The following ITCH variants were observed in gnomAD, a reference collection of about 807,000 sequenced individuals.
The protein encoded by ITCH is E3 ubiquitin-protein ligase Itchy homolog.
A neutral mutation model predicts 126.8 loss-of-function variants in ITCH; 28 were observed. The observed-to-expected ratio is 0.22, with a 90% CI of 0.16 to 0.30. The LOEUF (loss-of-function observed/expected upper bound fraction) is 0.30. ITCH is among the 10% of genes least tolerant of loss of function. The probability of loss-of-function intolerance (pLI) is 1.00; values close to 1 mark genes in which losing one functional copy is unlikely to be tolerated. For synonymous variants in ITCH, 342 were observed against 340.0 expected (o/e 1.01, Z -0.06); for missense variants, 631 against 1,032.4 (o/e 0.61, Z 5.33).
chr20:34,406,188 T>C (rs1288827925), intron 3 of ITCH, among the ~76,000 whole-genome samples: 1 of 152,050 alleles, frequency 6.6e-6, no homozygotes, highest in African/African-American at 2.4e-5. Context: ...CATGCCTGGC[T>C]AATTTTTAAA....
chr20:34,492,626 C>T (rs755562411), intron 23 of ITCH, 29 bp downstream of exon 23: 1 of 1,417,102 alleles, frequency 7.1e-7, no homozygotes, highest in East Asian at 2.3e-5. Context: ...TTTTCCTATA[C>T]AGAAAATTGT....
At chr20:34,393,745 T>C in intron 2 of ITCH, 46 bp from the exon 3 acceptor site, 4 of 1,125,276 alleles carry the variant, frequency 3.6e-6, no homozygotes, top group Non-Finnish European at 5.5e-6. Flanking sequence ...TATATGTTTT[T>C]AATGGGAATT....
chr20:34,495,228 A>G (rs1989782798), intron 23 of ITCH, among the ~76,000 whole-genome samples: 1 of 150,220 alleles, frequency 6.7e-6, no homozygotes, highest in Non-Finnish European at 1.5e-5. Context: ...TTATGCCACT[A>G]CATTCCAGCC....
At chr20:34,410,055 C>CAA (rs59652271) in intron 4 of ITCH, among the ~76,000 whole-genome samples, 109 of 142,356 alleles carry the variant, frequency 7.7e-4, no homozygotes, top group South Asian at 1.3e-3. Flanking sequence ...AAAAGACAAA[C>CAA]AAAAAAAAAA....
intron 16 of ITCH, among the ~76,000 whole-genome samples, chr20:34,471,969 G>A (rs942116573): frequency 1.3e-4 from 20 of 152,098 alleles, no homozygotes; most frequent in Non-Finnish European, 2.2e-4. Flanking sequence ...TACAATAAGC[G>A]TATGTTACTC....
At chr20:34,471,040 A>C (rs537575243) in intron 15 of ITCH, among the ~76,000 whole-genome samples, 101 of 152,326 alleles carry the variant, frequency 6.6e-4, no homozygotes, top group Admixed American at 4.0e-3. Context: ...TACTGGAATT[A>C]ATGATTTTTT....
intron 6 of ITCH, among the ~76,000 whole-genome samples, chr20:34,420,574 T>C (rs1051159455): frequency 1.3e-5 from 2 of 152,222 alleles, no homozygotes; most frequent in Non-Finnish European, 2.9e-5. Context: ...TGTAGAAATA[T>C]GTTTTCATTT....
chr20:34,498,229 T>C (rs1045799447), intron 23 of ITCH, among the ~76,000 whole-genome samples: 2 of 152,212 alleles, frequency 1.3e-5, no homozygotes, highest in Non-Finnish European at 2.9e-5. Context: ...AATAATTTTT[T>C]ATTGGTGGAG....
At chr20:34,398,741 T>A (rs980274101) in intron 3 of ITCH, among the ~76,000 whole-genome samples, 1 of 152,136 alleles carries the variant, frequency 6.6e-6, no homozygotes, top group Non-Finnish European at 1.5e-5. Flanking sequence ...TTTCTTTTTT[T>A]AATTCATTGC....
At chr20:34,465,281 T>A (rs1442393683) in intron 14 of ITCH, among the ~76,000 whole-genome samples, 1 of 152,198 alleles carries the variant, frequency 6.6e-6, no homozygotes, top group East Asian at 1.9e-4. Flanking sequence ...ACGCTATAGC[T>A]TTGTAGCAAG....
At chr20:34,453,009 G>A (rs1985444277) in intron 12 of ITCH, among the ~76,000 whole-genome samples, 1 of 152,182 alleles carries the variant, frequency 6.6e-6, no homozygotes, top group Admixed American at 6.5e-5. Flanking sequence ...AGAATGACAA[G>A]AAGTGTCTGT....
chr20:34,479,498 A>G (rs185150909), intron 17 of ITCH, 132 bp from the exon 18 acceptor site: 2 of 721,662 alleles, frequency 2.8e-6, no homozygotes, highest in African/African-American at 1.8e-5. Context: ...AACAGAAGCA[A>G]TAAAAATCAA....
intron 2 of ITCH, among the ~76,000 whole-genome samples, chr20:34,379,518 T>A (rs945445518): frequency 2.6e-5 from 4 of 152,062 alleles, no homozygotes; most frequent in Non-Finnish European, 5.9e-5. Context: ...TGGTAACTAC[T>A]ATTCTGTTTT....
chr20:34,392,964 A>G (rs1403636647), intron 2 of ITCH, among the ~76,000 whole-genome samples: 1 of 152,134 alleles, frequency 6.6e-6, no homozygotes, highest in African/African-American at 2.4e-5. Context: ...TGCTTGGGAC[A>G]TGTTATATAG....
chr20:34,499,658 T>G (rs1990127540), intron 23 of ITCH, among the ~76,000 whole-genome samples: 1 of 152,062 alleles, frequency 6.6e-6, no homozygotes, highest in African/African-American at 2.4e-5. Context: ...TTCATCTATC[T>G]TTTGTCTTCA....
intron 2 of ITCH, among the ~76,000 whole-genome samples, chr20:34,390,269 C>T (rs1011771257): frequency 6.6e-6 from 1 of 152,022 alleles, no homozygotes. Context: ...TATAGATTAT[C>T]TACATTTATG....
At chr20:34,502,724 A>G (rs980828864) in intron 23 of ITCH, among the ~76,000 whole-genome samples, 1 of 150,920 alleles carries the variant, frequency 6.6e-6, no homozygotes, top group East Asian at 2.0e-4. Context: ...AATGCTATAA[A>G]ATATTGAGTA....
chr20:34,456,483 C>T (rs984773791), intron 12 of ITCH, among the ~76,000 whole-genome samples: 1 of 148,516 alleles, frequency 6.7e-6, no homozygotes, highest in African/African-American at 2.5e-5. Flanking sequence ...TGGATTCAAA[C>T]TTTTTAAAAA....
chr20:34,457,107 C>G (rs1245348411), intron 12 of ITCH, among the ~76,000 whole-genome samples: 1 of 151,980 alleles, frequency 6.6e-6, no homozygotes, highest in Non-Finnish European at 1.5e-5. Flanking sequence ...AATAACTGTT[C>G]ATTATTCTTG....
Sources: gnomAD v4.1 joint callset for allele counts (sites outside exome capture counted in the v4.1 genomes callset) on GRCh38, gnomAD v4.1.1 for gene constraint, MANE v1.5 for transcripts, NCBI Gene and HGNC (gene_info 2026-07-23, HGNC 2026-07-21) for gene names.